Variants in LDLRAD4 observed in about 807,000 individuals in gnomAD.
LDLRAD4 encodes low density lipoprotein receptor class A domain containing 4, also known as low-density lipoprotein receptor class A domain-containing protein 4.
A neutral mutation model predicts 17.0 loss-of-function variants in LDLRAD4; 5 were observed. The observed-to-expected ratio is 0.29, with a 90% confidence interval of 0.15 to 0.62. The LOEUF (loss-of-function observed/expected upper bound fraction) is 0.62, where lower values mean the gene tolerates loss of function less well. Ranked by LOEUF, LDLRAD4 falls within the 20% of genes least tolerant of loss-of-function variation. The pLI, the probability that LDLRAD4 is intolerant of heterozygous loss-of-function variation, is 0.84. For synonymous variants in LDLRAD4, 168 were observed against 171.8 expected (o/e 0.98, Z 0.17); for missense variants, 340 against 424.7 (o/e 0.80, Z 1.75).
chr18:13,498,516 C>G (rs1000279375), intron 3 of LDLRAD4, among the ~76,000 whole-genome samples: 1 of 149,426 alleles, frequency 6.7e-6, no homozygotes, highest in East Asian at 2.0e-4. Flanking sequence ...TCTTGACACA[C>G]GTGTCCCACT....
intron 1 of LDLRAD4, among the ~76,000 whole-genome samples, chr18:13,270,028 G>A (rs750152792): frequency 9.2e-5 from 14 of 152,176 alleles, no homozygotes; most frequent in Admixed American, 5.9e-4. Flanking sequence ...GTCTAGAGCC[G>A]TGTCACTGGA....
chr18:13,578,986 C>A (rs554454811), intron 3 of LDLRAD4, among the ~76,000 whole-genome samples: 1 of 151,438 alleles, frequency 6.6e-6, no homozygotes, highest in Non-Finnish European at 1.5e-5. Context: ...GTCAGGAGAT[C>A]GAGACCATCC....
rs2042684842 is a variant in LDLRAD4 at position 13,642,717 on chromosome 18, T to G, written c.337-642T>G. ...CTGCCCTCATCGGGCGGCCACTGAA[T>G]GCGGTTGGACAGTCATCTTGAATGT... is the stretch of plus-strand genomic sequence containing the variant. On this transcript the variant is annotated intron_variant, in intron 4 of 5. Coordinates refer to ENST00000359446, the Ensembl canonical transcript of LDLRAD4. The G allele has an allele frequency of 2.4e-6, 3 of 1,231,500 alleles. No homozygotes were observed. In the Admixed American group the frequency reaches 1.3e-4, roughly 52 times the overall value. 76.3% of individuals were successfully genotyped at this position (1,231,500 alleles called of 1,614,324 possible).
chr18:13,367,689 CG>C lies in LDLRAD4; in HGVS notation c.-382-19647del, dbSNP rs1431998327. 6.6e-6 allele frequency among the ~76,000 whole-genome samples: 1 copy of C among 151,534 alleles called. No homozygotes were observed. Among genetic ancestry groups the C allele is most frequent in the Non-Finnish European group, 1.5e-5 (1 of 67,894 alleles). On this transcript the variant is annotated intron_variant, in intron 1 of 5. Coordinates refer to ENST00000359446, the Ensembl canonical transcript of LDLRAD4. This position sits in a 1 kb window ranked among gnomAD's most constrained non-coding sequence, Gnocchi z 4.1. Reference sequence around the variant, plus strand: ...TGTGCCGAGAGGGGACAGCCGGGCACGGGGGCACACGTTGTCAAGGGATATA... The same window carrying C: ...TGTGCCGAGAGGGGACAGCCGGGCACGGGGCACACGTTGTCAAGGGATATA...
At chr18:13,338,736 A>G (rs996378815) in intron 1 of LDLRAD4, among the ~76,000 whole-genome samples, 2 of 152,192 alleles carry the variant, frequency 1.3e-5, no homozygotes, top group African/African-American at 4.8e-5. Flanking sequence ...TTGTTTGAAC[A>G]TATGAGTCCT....
chr18:13,271,893 CTTTTT>C (rs753254188), intron 1 of LDLRAD4, among the ~76,000 whole-genome samples: 166 of 79,030 alleles, frequency 2.1e-3, no homozygotes, highest in Non-Finnish European at 3.1e-3. Flanking sequence ...CTGTTCAGTG[CTTTTT>C]TTTTTTTTTT....
intron 3 of LDLRAD4, among the ~76,000 whole-genome samples, chr18:13,592,700 G>A (rs1354261418): frequency 1.3e-5 from 2 of 152,204 alleles, no homozygotes; most frequent in African/African-American, 4.8e-5. Flanking sequence ...GATAATCAAT[G>A]TTGTGCTCCC....
At chr18:13,590,541 C>A (rs904518404) in intron 3 of LDLRAD4, among the ~76,000 whole-genome samples, 1 of 152,234 alleles carries the variant, frequency 6.6e-6, no homozygotes, top group African/African-American at 2.4e-5. Flanking sequence ...GCTGCAACCC[C>A]TCCTCTGTCC....
chr18:13,460,017 C>CCA (rs2092353714), intron 3 of LDLRAD4: 1 of 154,014 alleles, frequency 6.5e-6, no homozygotes, highest in African/African-American at 2.4e-5. Flanking sequence ...GGAGCCAGGG[C>CCA]CACTGCCCCC....
intron 1 of LDLRAD4, among the ~76,000 whole-genome samples, chr18:13,251,261 A>G (rs1045665272): frequency 2.0e-5 from 3 of 152,240 alleles, no homozygotes; most frequent in African/African-American, 7.2e-5. Flanking sequence ...ACAAAACCAC[A>G]GCTGACATCG....
chr18:13,244,543 C>G (rs2042863452), intron 1 of LDLRAD4, among the ~76,000 whole-genome samples: 1 of 152,258 alleles, frequency 6.6e-6, no homozygotes, highest in South Asian at 2.1e-4. Flanking sequence ...CTACCTACGT[C>G]TCTCTTTTTG....
rs1284758938 is a variant in LDLRAD4, at chr18:13,440,226, C to T, written c.181+1842C>T. 6.6e-6 allele frequency among the ~76,000 whole-genome samples: 1 copy of T among 152,160 alleles called. No homozygotes were observed. The highest frequency in any genetic ancestry group is 1.5e-5 in the Non-Finnish European group (1 of 68,022). On this transcript the variant is annotated intron_variant, in intron 3 of 5. Transcript: ENST00000359446. The surrounding 1 kb of genome is among the most constrained non-coding windows in gnomAD (Gnocchi z 4.4). ...GCGGGCTCCTCCTTTACTTCAGGGC[C>T]CTTTTGCCGAGGGCTTCCTTGTTTT...
chr18:13,564,777 G>A (rs879536699), intron 3 of LDLRAD4, among the ~76,000 whole-genome samples: 3 of 152,076 alleles, frequency 2.0e-5, no homozygotes, highest in Non-Finnish European at 2.9e-5. Flanking sequence ...CAGCCCTCCC[G>A]TGATGATTTC....
At chr18:13,480,741 A>G (rs1339712424) in intron 3 of LDLRAD4, among the ~76,000 whole-genome samples, 1 of 152,214 alleles carries the variant, frequency 6.6e-6, no homozygotes, top group Non-Finnish European at 1.5e-5. Flanking sequence ...AAATTAAGTC[A>G]TAAATTCTGA....
At chr18:13,588,040 C>T (rs564939700) in intron 3 of LDLRAD4, among the ~76,000 whole-genome samples, 54 of 152,246 alleles carry the variant, frequency 3.5e-4, no homozygotes, top group African/African-American at 1.2e-3. Flanking sequence ...GCACCATTTT[C>T]TTGGTTCCTG....
At chr18:13,559,912 G>A (rs1186987696) in intron 3 of LDLRAD4, among the ~76,000 whole-genome samples, 5 of 11,214 alleles carry the variant, frequency 4.5e-4, no homozygotes, top group Non-Finnish European at 7.5e-4. Context: ...TGCTGCCCCT[G>A]ACCAAGAAGT....
At chr18:13,524,999 T>C (rs1272777591) in intron 3 of LDLRAD4, among the ~76,000 whole-genome samples, 1 of 152,248 alleles carries the variant, frequency 6.6e-6, no homozygotes, top group Non-Finnish European at 1.5e-5. Context: ...AAGAGCTTAA[T>C]TACAATCCCT....
chr18:13,602,118 T>C (rs2095170002), intron 3 of LDLRAD4, among the ~76,000 whole-genome samples: 1 of 152,134 alleles, frequency 6.6e-6, no homozygotes, highest in Non-Finnish European at 1.5e-5. Context: ...TGGATACTCA[T>C]GGACATAGAA....
At chr18:13,345,775 A>G (rs1225785640) in intron 1 of LDLRAD4, among the ~76,000 whole-genome samples, 1 of 152,180 alleles carries the variant, frequency 6.6e-6, no homozygotes, top group Non-Finnish European at 1.5e-5. Flanking sequence ...TGGTCTATTC[A>G]GAGATTCAAC....
Sources: allele counts gnomAD v4.1 joint callset (sites outside exome capture counted in the v4.1 genomes callset), GRCh38; gene constraint gnomAD v4.1.1; non-coding constraint Gnocchi (gnomAD v3.1); transcripts MANE v1.5; gene names NCBI Gene and HGNC (gene_info 2026-07-23, HGNC 2026-07-21).